The following DDAH1 variants were observed in gnomAD, a reference collection of about 807,000 sequenced individuals.
The protein encoded by DDAH1 is N(G),N(G)-dimethylarginine dimethylaminohydrolase 1.
DDAH1 carries 19 observed loss-of-function variants against 28.8 expected under a neutral mutation model. The observed-to-expected ratio is 0.66, with a 90% CI of 0.46 to 0.97. The LOEUF is 0.97. DDAH1 is among the 50% of genes least tolerant of loss of function. The pLI, the probability that DDAH1 is intolerant of heterozygous loss-of-function variation, is 0.00. For missense variants in DDAH1, 326 were observed against 375.9 expected (o/e 0.87, Z 1.10); for synonymous variants, 153 against 154.4 (o/e 0.99, Z 0.07).
intron 1 of DDAH1, among the ~76,000 whole-genome samples, chr1:85,511,458 AAC>A (rs1657230061): frequency 6.6e-6 from 1 of 152,212 alleles, no homozygotes; most frequent in African/African-American, 2.4e-5. Context: ...AGCAAGAGCA[AAC>A]ACATTCAAAA....
In DDAH1 at chr1:85,342,023, T is replaced by G. The variant is rs148972643; in HGVS notation, c.597+8392A>C. Among the ~76,000 whole-genome samples the G allele has an allele frequency of 4.8e-3, 735 of 152,306 alleles. 2 individuals are homozygous for G. Among genetic ancestry groups the G allele is most frequent in the African/African-American group, 0.017 (705 of 41,560 alleles). The stretch of plus-strand genomic sequence containing the variant: ...TAGGTTTAAGACACAGCATTTCACC[T>G]TGACTGGCTGTTATAAAATTTCCAA... On this transcript the variant is annotated intron_variant, in intron 4 of 5. Coordinates refer to ENST00000284031, the MANE Select transcript of DDAH1 (RefSeq NM_012137.4).
At chr1:85,339,886 G>A (rs1441703894) in intron 4 of DDAH1, among the ~76,000 whole-genome samples, 1 of 152,100 alleles carries the variant, frequency 6.6e-6, no homozygotes, top group Non-Finnish European at 1.5e-5. Context: ...CTTCAAGACC[G>A]AAGGTACTGG....
chr1:85,447,112 C>T (rs1054210311), intron 1 of DDAH1, among the ~76,000 whole-genome samples: 1 of 152,172 alleles, frequency 6.6e-6, no homozygotes, highest in Non-Finnish European at 1.5e-5. Flanking sequence ...AGGAGGTCAG[C>T]TACACAGGAG....
chr1:85,343,143 T>TTAAA (rs1449218479), intron 4 of DDAH1, among the ~76,000 whole-genome samples: 1 of 152,224 alleles, frequency 6.6e-6, no homozygotes, highest in East Asian at 1.9e-4. Context: ...AACAGCACTT[T>TTAAA]TAAATATAAT....
intron 1 of DDAH1, among the ~76,000 whole-genome samples, chr1:85,443,948 T>C (rs1202653641): frequency 6.6e-6 from 1 of 152,232 alleles, no homozygotes; most frequent in Non-Finnish European, 1.5e-5. Context: ...TATAGAATCA[T>C]GTCATCTGCA....
intron 1 of DDAH1, among the ~76,000 whole-genome samples, chr1:85,400,503 T>C (rs1320397282): frequency 6.6e-6 from 1 of 152,162 alleles, no homozygotes. Flanking sequence ...GTGCCTGGCC[T>C]ACTCTTGCAG....
At chr1:85,402,145 C>T (rs1417770114) in intron 1 of DDAH1, among the ~76,000 whole-genome samples, 1 of 150,396 alleles carries the variant, frequency 6.6e-6, no homozygotes, top group East Asian at 2.0e-4. Context: ...AACCACCACT[C>T]CCAGCTAATA....
chr1:85,343,683 C>T (rs1221284832), intron 4 of DDAH1, among the ~76,000 whole-genome samples: 1 of 152,198 alleles, frequency 6.6e-6, no homozygotes, highest in Non-Finnish European at 1.5e-5. Flanking sequence ...ATTTCAATCA[C>T]CCTGTTGATA....
At chr1:85,322,173 T>C (rs1345137334) in intron 5 of DDAH1, among the ~76,000 whole-genome samples, 1 of 152,192 alleles carries the variant, frequency 6.6e-6, no homozygotes, top group African/African-American at 2.4e-5. Context: ...TCATCCTGCC[T>C]TGGCCTTCCA....
chr1:85,511,037 C>A (rs1404304910), intron 1 of DDAH1, among the ~76,000 whole-genome samples: 3 of 152,226 alleles, frequency 2.0e-5, no homozygotes, highest in Admixed American at 2.0e-4. Flanking sequence ...CCCAAATCAA[C>A]AGAATATACA....
intron 4 of DDAH1, among the ~76,000 whole-genome samples, chr1:85,343,939 C>A (rs1648672928): frequency 6.6e-6 from 1 of 152,172 alleles, no homozygotes; most frequent in Non-Finnish European, 1.5e-5. Context: ...AAAAGAAAAA[C>A]AGGCTGTGTG....
intron 4 of DDAH1, among the ~76,000 whole-genome samples, chr1:85,332,640 T>C (rs1647845954): frequency 6.6e-6 from 1 of 152,104 alleles, no homozygotes; most frequent in Non-Finnish European, 1.5e-5. Flanking sequence ...GCACATTGCC[T>C]GGGGGCCTAG....
chr1:85,525,193 G>A (rs1300467423), intron 1 of DDAH1, among the ~76,000 whole-genome samples: 2 of 151,802 alleles, frequency 1.3e-5, no homozygotes, highest in Non-Finnish European at 2.9e-5. Context: ...GACTATTTGA[G>A]TGAAGCAACC....
intron 1 of DDAH1, among the ~76,000 whole-genome samples, chr1:85,412,600 C>T (rs956261799): frequency 6.6e-6 from 1 of 152,140 alleles, no homozygotes; most frequent in Admixed American, 6.5e-5. Context: ...ATGTTGAAGG[C>T]ATCTGTTGAG....
chr1:85,417,540 A>G (rs1353545544), intron 1 of DDAH1, among the ~76,000 whole-genome samples: 2 of 152,200 alleles, frequency 1.3e-5, no homozygotes, highest in Admixed American at 1.3e-4. Context: ...ATATTTTCTG[A>G]GAATTTAAGC....
intron 1 of DDAH1, among the ~76,000 whole-genome samples, chr1:85,450,033 C>T (rs1048306386): frequency 1.3e-5 from 2 of 152,140 alleles, no homozygotes; most frequent in East Asian, 1.9e-4. Flanking sequence ...CAGGTAACAC[C>T]GGTCTCATCT....
intron 1 of DDAH1, among the ~76,000 whole-genome samples, chr1:85,502,304 C>T (rs533502730): frequency 9.9e-5 from 15 of 152,128 alleles, no homozygotes; most frequent in South Asian, 2.1e-4. Context: ...CGAGAGGAAA[C>T]GACATTTGCT....
chr1:85,357,661 G>A (rs879465765), intron 2 of DDAH1, among the ~76,000 whole-genome samples: 2 of 152,186 alleles, frequency 1.3e-5, no homozygotes, highest in Non-Finnish European at 2.9e-5. Context: ...AAGTCCCTGA[G>A]GACCAGCCTT....
intron 1 of DDAH1, among the ~76,000 whole-genome samples, chr1:85,438,748 G>T (rs1340958054): frequency 6.6e-6 from 1 of 152,184 alleles, no homozygotes; most frequent in African/African-American, 2.4e-5. Flanking sequence ...CCAGAACAGG[G>T]ATCAAGATGA....
Sources: allele counts gnomAD v4.1 joint callset (sites outside exome capture counted in the v4.1 genomes callset), GRCh38; gene constraint gnomAD v4.1.1; transcripts MANE v1.5; gene names NCBI Gene and HGNC (gene_info 2026-07-23, HGNC 2026-07-21).